INSL6: variants seen among roughly 807,000 people sequenced by gnomAD.
The protein encoded by INSL6 is insulin-like peptide INSL6.
A neutral mutation model predicts 9.4 loss-of-function variants in INSL6; 16 were observed. The ratio of observed to expected loss-of-function variants is 1.70; its 90% CI spans 1.15 to 2.59. The LOEUF (loss-of-function observed/expected upper bound fraction) is 2.59. INSL6 is among the 30% of genes most tolerant of loss of function. The probability of loss-of-function intolerance (pLI) is 0.00; values close to 1 mark genes in which losing one functional copy is unlikely to be tolerated. For synonymous variants in INSL6, 154 were observed against 96.9 expected (o/e 1.59, Z -3.46); for missense variants, 391 against 257.3 (o/e 1.52, Z -3.56).
the INSL6 span, among the ~76,000 whole-genome samples, chr9:5,045,663 A>G: frequency 2.6e-5 from 4 of 152,208 alleles, no homozygotes; most frequent in East Asian, 1.9e-4. Context: ...ATGGAGTTAT[A>G]TAGCATTTGT....
At chr9:5,100,964 C>G in the INSL6 span, 1 of 152,286 alleles carries the variant, frequency 6.6e-6, no homozygotes, top group African/African-American at 2.4e-5. Context: ...CCAGCATGAT[C>G]GACGCAGAAG....
the INSL6 span, among the ~76,000 whole-genome samples, chr9:5,115,929 G>T: frequency 6.6e-6 from 1 of 152,102 alleles, no homozygotes; most frequent in East Asian, 1.9e-4. Context: ...CTAGGGGAGG[G>T]ATAGCTTTAA....
the INSL6 span, among the ~76,000 whole-genome samples, chr9:5,102,287 A>T: frequency 6.6e-6 from 1 of 152,320 alleles, no homozygotes; most frequent in South Asian, 2.1e-4. Flanking sequence ...AAGAAAGGGT[A>T]TCAGTGATTG....
At chr9:5,062,483 C>CA in the INSL6 span, among the ~76,000 whole-genome samples, 1 of 101,110 alleles carries the variant, frequency 9.9e-6, no homozygotes, top group African/African-American at 4.8e-5. Flanking sequence ...TTAAGTTTGT[C>CA]AGAAACCTTC....
the INSL6 span, chr9:5,111,256 G>A: frequency 1.9e-6 from 1 of 515,646 alleles, no homozygotes; most frequent in Non-Finnish European, 3.7e-6. Flanking sequence ...AGAGACGCAG[G>A]CGTGCGCAGC....
At chr9:5,011,728 T>C in the INSL6 span, among the ~76,000 whole-genome samples, 1 of 152,166 alleles carries the variant, frequency 6.6e-6, no homozygotes, top group Non-Finnish European at 1.5e-5. Flanking sequence ...CTCCGGATGA[T>C]GTGGATTTCA....
the INSL6 span, among the ~76,000 whole-genome samples, chr9:5,072,822 C>G: frequency 6.6e-6 from 1 of 152,052 alleles, no homozygotes; most frequent in African/African-American, 2.4e-5. Context: ...AAATTAATTC[C>G]AAACTAATTA....
intron 2 of INSL6, among the ~76,000 whole-genome samples, chr9:5,143,581 C>T (rs903793121): frequency 6.6e-6 from 1 of 151,682 alleles, no homozygotes; most frequent in Non-Finnish European, 1.5e-5. Context: ...TCTCTCTTTG[C>T]TTCTTTTTTA....
At chr9:5,090,353 A>T in the INSL6 span, 1 of 915,550 alleles carries the variant, frequency 1.1e-6, no homozygotes, top group East Asian at 3.0e-5. Flanking sequence ...TAGATTTCAT[A>T]TATGTTTAAG....
rs1178036190 is a variant in INSL6, at chr9:5,125,239, T to G, written c.*11-728A>C. 2.0e-5 allele frequency among the ~76,000 whole-genome samples: 3 copies of G among 151,098 alleles called. No individual in the cohort carries two copies. In the East Asian group the frequency reaches 5.8e-4, roughly 29 times the overall value. ...AAGTATATAAAACTTTTATAACTTT[T>G]ATAAAAGTTCACTTATATAAATATA... is the stretch of plus-strand genomic sequence containing the variant. On this transcript the variant is annotated intron_variant, in intron 3 of 3. Transcript: ENST00000649639.
intron 2 of INSL6, among the ~76,000 whole-genome samples, chr9:5,140,281 A>G (rs1263436691): frequency 1.3e-5 from 2 of 152,156 alleles, no homozygotes; most frequent in African/African-American, 4.8e-5. Context: ...ACTCTCAGGC[A>G]GAACTCATCA....
the INSL6 span, chr9:5,108,169 TG>T: frequency 6.6e-6 from 1 of 152,170 alleles, no homozygotes; most frequent in Non-Finnish European, 1.5e-5. Context: ...CAATATTAAC[TG>T]TTCAATGAAT....
chr9:5,108,921 G>C, the INSL6 span: 1 of 152,038 alleles, frequency 6.6e-6, no homozygotes, highest in Non-Finnish European at 1.5e-5. Context: ...TTCCAACTAC[G>C]AGTGAGTCCA....
At chr9:5,015,573 T>G in the INSL6 span, among the ~76,000 whole-genome samples, 3 of 151,668 alleles carry the variant, frequency 2.0e-5, no homozygotes, top group African/African-American at 7.3e-5. Flanking sequence ...CTCACTTTGT[T>G]ACTCAGGTTG....
chr9:5,047,435 C>A, the INSL6 span, among the ~76,000 whole-genome samples: 2 of 152,146 alleles, frequency 1.3e-5, no homozygotes, highest in African/African-American at 2.4e-5. Context: ...GCCTTTATAT[C>A]ATCAAATATG....
downstream of INSL6, among the ~76,000 whole-genome samples, chr9:5,162,722 T>C (rs565549901): frequency 6.6e-6 from 1 of 152,338 alleles, no homozygotes; most frequent in East Asian, 1.9e-4. Context: ...TTCAAAAATA[T>C]TTATTAATGC....
At chr9:5,140,943 T>C (rs1206396447) in intron 2 of INSL6, among the ~76,000 whole-genome samples, 1 of 152,114 alleles carries the variant, frequency 6.6e-6, no homozygotes, top group Non-Finnish European at 1.5e-5. Flanking sequence ...CTCCCACTTA[T>C]AACTGAGAAC....
chr9:5,073,615 C>G, the INSL6 span: 1 of 1,033,018 alleles, frequency 9.7e-7, no homozygotes, highest in Non-Finnish European at 1.5e-6. Flanking sequence ...GAAAGTGCAT[C>G]TTTATTATGG....
At chr9:5,015,559 A>G in the INSL6 span, among the ~76,000 whole-genome samples, 4 of 149,486 alleles carry the variant, frequency 2.7e-5, no homozygotes, top group Admixed American at 6.7e-5. Flanking sequence ...TTTTGAGACA[A>G]GGTCTCACTT....
Sources: allele counts gnomAD v4.1 joint callset (sites outside exome capture counted in the v4.1 genomes callset), GRCh38; gene constraint gnomAD v4.1.1; transcripts MANE v1.5; gene names NCBI Gene and HGNC (gene_info 2026-07-23, HGNC 2026-07-21).